The following MAGI1 variants were observed in gnomAD, a reference collection of about 807,000 sequenced individuals.
The protein encoded by MAGI1 is membrane-associated guanylate kinase, WW and PDZ domain-containing protein 1.
A neutral mutation model predicts 139.9 loss-of-function variants in MAGI1; 58 were observed. That is an observed-to-expected ratio of 0.41 (90% CI 0.34 to 0.52). The LOEUF is 0.52. Ranked by LOEUF, MAGI1 falls within the 20% of genes least tolerant of loss-of-function variation. MAGI1 has a pLI of 0.12. For synonymous variants in MAGI1, 812 were observed against 737.9 expected (o/e 1.10, Z -1.63); for missense variants, 1,874 against 1,901.6 (o/e 0.99, Z 0.27).
intron 1 of MAGI1, among the ~76,000 whole-genome samples, chr3:65,872,164 A>T (rs1445710098): frequency 2.6e-5 from 4 of 152,218 alleles, no homozygotes; most frequent in Non-Finnish European, 5.9e-5. Context: ...CACAATGACT[A>T]GCAATGGAAA....
chr3:65,362,503 G>A (rs912811592), intron 21 of MAGI1, among the ~76,000 whole-genome samples: 1 of 152,082 alleles, frequency 6.6e-6, no homozygotes, highest in African/African-American at 2.4e-5. Flanking sequence ...CTGGTATACT[G>A]TTTGGCCCTG....
At chr3:65,620,505 T>G (rs2083605916) in intron 2 of MAGI1, among the ~76,000 whole-genome samples, 1 of 152,192 alleles carries the variant, frequency 6.6e-6, no homozygotes, top group African/African-American at 2.4e-5. Context: ...GGCTTTAATT[T>G]TATTGGCTTC....
In MAGI1 at chr3:65,629,421, A is replaced by C. The variant is rs781531825; in HGVS notation, c.314-7333T>G. Among the ~76,000 whole-genome samples, 79 of 152,224 alleles carry C rather than the reference A, an allele frequency of 5.2e-4. 1 individual carries two copies. Among genetic ancestry groups the C allele is most frequent in the Admixed American group, 2.6e-4 (4 of 15,288 alleles). On this transcript the variant is annotated intron_variant, in intron 1 of 22. Transcript: ENST00000402939. ...ATTTTCAATGCTAAGGAGAACCTGC[A>C]TAAGGATTTTGAACTAATCACACTT...
intron 2 of MAGI1, among the ~76,000 whole-genome samples, chr3:65,575,813 T>C (rs1002940739): frequency 1.3e-5 from 2 of 152,096 alleles, no homozygotes; most frequent in African/African-American, 4.8e-5. Context: ...ACAAAAAAAA[T>C]ACATACCACA....
intron 1 of MAGI1, among the ~76,000 whole-genome samples, chr3:65,893,170 A>G (rs1355738886): frequency 6.6e-6 from 1 of 152,060 alleles, no homozygotes; most frequent in East Asian, 1.9e-4. Flanking sequence ...TTTCTTTCCT[A>G]TCTCCCATCC....
intron 1 of MAGI1, among the ~76,000 whole-genome samples, chr3:65,670,839 A>G (rs2086813225): frequency 6.6e-6 from 1 of 152,028 alleles, no homozygotes; most frequent in African/African-American, 2.4e-5. Context: ...GTAAACAGGC[A>G]CATATACAAC....
At chr3:65,651,642 C>T (rs919732397) in intron 1 of MAGI1, among the ~76,000 whole-genome samples, 7 of 152,252 alleles carry the variant, frequency 4.6e-5, no homozygotes, top group African/African-American at 1.7e-4. Flanking sequence ...AATTATTTGT[C>T]TCCTTCTTTT....
intron 1 of MAGI1, among the ~76,000 whole-genome samples, chr3:65,755,831 C>G (rs1403133165): frequency 6.6e-6 from 1 of 152,116 alleles, no homozygotes; most frequent in African/African-American, 2.4e-5. Context: ...TCAGATAGTT[C>G]TAATTTAAGA....
At chr3:65,549,399 A>G (rs2079702527) in intron 2 of MAGI1, 2 of 984,772 alleles carry the variant, frequency 2.0e-6, no homozygotes, top group African/African-American at 3.5e-5. Flanking sequence ...CCAAGGACAA[A>G]ACCGTTACCT....
At chr3:65,659,929 T>C (rs1423190120) in intron 1 of MAGI1, among the ~76,000 whole-genome samples, 3 of 152,176 alleles carry the variant, frequency 2.0e-5, no homozygotes, top group East Asian at 1.9e-4. Flanking sequence ...CTCTCTGTGC[T>C]AAATCAAGAT....
At chr3:65,530,713 G>GTA (rs759258016) in intron 2 of MAGI1, among the ~76,000 whole-genome samples, 11 of 110,850 alleles carry the variant, frequency 9.9e-5, no homozygotes, top group East Asian at 2.9e-4. Flanking sequence ...ATATACACGT[G>GTA]TATATATATA....
At chr3:65,626,350 A>T (rs1010172541) in intron 1 of MAGI1, among the ~76,000 whole-genome samples, 2 of 152,106 alleles carry the variant, frequency 1.3e-5, no homozygotes, top group African/African-American at 4.8e-5. Flanking sequence ...TTGGAGACAG[A>T]GTCTTACCCT....
At chr3:66,037,071 T>A (rs2068965553) in intron 1 of MAGI1, among the ~76,000 whole-genome samples, 1 of 152,146 alleles carries the variant, frequency 6.6e-6, no homozygotes. Flanking sequence ...TCCTCCATAC[T>A]TAAGGCTCTG....
intron 1 of MAGI1, among the ~76,000 whole-genome samples, chr3:65,696,240 C>A (rs1277384115): frequency 6.6e-6 from 1 of 152,156 alleles, no homozygotes; most frequent in Non-Finnish European, 1.5e-5. Flanking sequence ...TCCCTGCTCA[C>A]CCTATGTAAA....
In MAGI1 at chr3:66,018,260, G is replaced by C. The variant is rs557550211; in HGVS notation, c.313+19736C>G. On this transcript the variant is annotated intron_variant, in intron 1 of 22. Coordinates refer to ENST00000402939, the MANE Select transcript of MAGI1 (RefSeq NM_001033057.2). The stretch of plus-strand genomic sequence containing the variant: ...CATATTTTCACACGTGTAACTTTCT[G>C]CTACCACCAGGGGATGTAAAAGCAG... 5.9e-5 allele frequency among the ~76,000 whole-genome samples: 9 copies of C among 152,220 alleles called. No individual in the cohort carries two copies. The South Asian group carries it at 1.2e-3, about 21-fold the overall frequency.
intron 2 of MAGI1, among the ~76,000 whole-genome samples, chr3:65,576,100 G>C (rs2081163592): frequency 6.6e-6 from 1 of 152,122 alleles, no homozygotes; most frequent in Non-Finnish European, 1.5e-5. Flanking sequence ...AGAGTCATTA[G>C]ATATTTGTCT....
intron 2 of MAGI1, among the ~76,000 whole-genome samples, chr3:65,530,800 TATATACACAC>T (rs1168271443): frequency 5.7e-5 from 5 of 88,044 alleles, no homozygotes; most frequent in African/African-American, 2.7e-4. Flanking sequence ...CGTATATATA[TATATACACAC>T]ATATATATAC....
intron 1 of MAGI1, among the ~76,000 whole-genome samples, chr3:65,862,810 C>T (rs1470544579): frequency 6.6e-6 from 1 of 152,198 alleles, no homozygotes; most frequent in Non-Finnish European, 1.5e-5. Flanking sequence ...TAATTAGAAA[C>T]ACCTCTTTTG....
intron 1 of MAGI1, among the ~76,000 whole-genome samples, chr3:65,683,612 A>G (rs981318173): frequency 2.6e-5 from 4 of 151,652 alleles, no homozygotes; most frequent in African/African-American, 9.7e-5. Context: ...AGATAATCCA[A>G]TTAGAAAATG....
Sources: allele counts gnomAD v4.1 joint callset (sites outside exome capture counted in the v4.1 genomes callset), GRCh38; gene constraint gnomAD v4.1.1; transcripts MANE v1.5; gene names NCBI Gene and HGNC (gene_info 2026-07-23, HGNC 2026-07-21).